The following PTGER3 variants were observed in gnomAD, a reference collection of about 807,000 sequenced individuals.
PTGER3 encodes the protein prostaglandin E receptor 3.
A neutral mutation model predicts 34.7 loss-of-function variants in PTGER3; 22 were observed. The ratio of observed to expected loss-of-function variants is 0.63; its 90% CI spans 0.45 to 0.91. The LOEUF (loss-of-function observed/expected upper bound fraction) is 0.91. Ranked by LOEUF, PTGER3 falls within the 40% of genes least tolerant of loss-of-function variation. PTGER3 has a pLI of 0.00. For missense variants in PTGER3, 468 were observed against 519.4 expected (o/e 0.90, Z 0.96); for synonymous variants, 241 against 230.1 (o/e 1.05, Z -0.43).
In PTGER3 at chr1:70,971,585, A is replaced by C; in HGVS notation, c.*145T>G. 7.5e-7 allele frequency: 1 copy of C among 1,329,388 alleles called. No homozygotes were observed. Among genetic ancestry groups the C allele is most frequent in the Non-Finnish European group, 9.7e-7 (1 of 1,034,040 alleles). 82.3% of individuals were successfully genotyped at this position (1,329,388 alleles called of 1,614,324 possible). On this transcript the variant is annotated 3_prime_UTR_variant, in exon 4 of 4. Coordinates refer to ENST00000306666, the MANE Select transcript of PTGER3 (RefSeq NM_198719.2). ...AATAAAGTTGATCTCCATGGGTATT[A>C]CTGACAAAACAATCATTAAAATAAA...
chr1:70,912,492 T>C (rs1352052475), intron 4 of PTGER3, among the ~76,000 whole-genome samples: 1 of 152,058 alleles, frequency 6.6e-6, no homozygotes, highest in Non-Finnish European at 1.5e-5. Flanking sequence ...TTGCTTTTCT[T>C]TCTTTCCTAC....
chr1:70,855,373 G>T (rs1246774854), intron 4 of PTGER3, among the ~76,000 whole-genome samples: 1 of 152,056 alleles, frequency 6.6e-6, no homozygotes, highest in Admixed American at 6.6e-5. Flanking sequence ...TTTGCAAAAT[G>T]AAAAACTTTT....
intron 2 of PTGER3, among the ~76,000 whole-genome samples, chr1:70,975,642 C>A (rs1328094054): frequency 6.6e-6 from 1 of 152,076 alleles, no homozygotes; most frequent in Admixed American, 6.6e-5. Context: ...TGGATGATTT[C>A]TGTTTTAGGT....
chr1:70,876,200 C>T (rs1049838634), intron 4 of PTGER3, among the ~76,000 whole-genome samples: 14 of 151,426 alleles, frequency 9.2e-5, no homozygotes, highest in African/African-American at 3.4e-4. Flanking sequence ...TGATGTTGAA[C>T]ATTTTATAAT....
At chr1:70,935,666 AATATAAATAT>A (rs1649147246) in intron 4 of PTGER3, among the ~76,000 whole-genome samples, 1 of 41,450 alleles carries the variant, frequency 2.4e-5, no homozygotes, top group African/African-American at 1.9e-4. Flanking sequence ...TAAGGATACA[AATATAAATAT>A]ATATATATAT....
In PTGER3 at chr1:71,047,257, G is replaced by A. The variant is rs150729041; in HGVS notation, c.321C>T (p.Thr107=). 148 of 1,596,606 alleles carry A rather than the reference G, an allele frequency of 9.3e-5. No individual in the cohort carries two copies. In the African/African-American group the frequency reaches 1.9e-3, roughly 20 times the overall value. The change falls in exon 1 of 4, where the codon ACC becomes ACT. Residue 107 remains threonine (T), a synonymous_variant. Transcript: ENST00000306666. ...LTDLVGQLLT[T]PVVIVVYLSK... ...ACAGGTACACGACGATGACGACCGGGGTGGTGAGAAGCTGCCCGACCAGGT... is the reference window on the plus strand; with the variant it reads ...ACAGGTACACGACGATGACGACCGGAGTGGTGAGAAGCTGCCCGACCAGGT...
rs897681533 is a variant in PTGER3, at chr1:71,007,669, G to A, written c.1077+4636C>T. 13 of 985,198 alleles carry A rather than the reference G, an allele frequency of 1.3e-5. No homozygotes were observed. The African/African-American group carries it at 1.6e-4, about 12-fold the overall frequency. 61.0% of individuals were successfully genotyped at this position (985,198 alleles called of 1,614,324 possible). A position where few individuals can be genotyped will look rare whatever the true frequency, so the allele number is the denominator to read the frequency against. ...GTTGAAGTGTATTAGTAAATCACAC[G>A]CATTTCCCTCTGCTTAACATTACAA... On this transcript the variant is annotated intron_variant, in intron 2 of 3. Coordinates refer to ENST00000306666, the MANE Select transcript of PTGER3 (RefSeq NM_198719.2).
chr1:70,926,267 G>C (rs952518869), intron 4 of PTGER3, among the ~76,000 whole-genome samples: 13 of 152,058 alleles, frequency 8.5e-5, no homozygotes, highest in African/African-American at 3.1e-4. Context: ...AAATTACCTT[G>C]GGCAGTATGG....
At chr1:70,950,356 C>G (rs1241248398), downstream of PTGER3, among the ~76,000 whole-genome samples, 1 of 152,104 alleles carries the variant, frequency 6.6e-6, no homozygotes. Context: ...TGAAAGATTC[C>G]TTTAAAATAA....
In PTGER3 at chr1:70,931,150, A is replaced by C. The variant is rs551945499; in HGVS notation, c.*23+22613T>G. On this transcript the variant is annotated intron_variant, in intron 4 of 4. Coordinates refer to the PTGER3 transcript ENST00000370931. The stretch of plus-strand genomic sequence containing the variant: ...CAAGTCTGAAATCAGCAGGGCAGTC[A>C]AATTTTAAAGCTCCAAAATGATCTC... Among the ~76,000 whole-genome samples the C allele has an allele frequency of 7.1e-4, 108 of 152,348 alleles. 2 individuals are homozygous for C. The highest frequency in any genetic ancestry group is 8.2e-4 in the Non-Finnish European group (56 of 68,038).
intron 1 of PTGER3, among the ~76,000 whole-genome samples, chr1:71,019,515 C>T (rs1282805840): frequency 6.6e-6 from 1 of 152,156 alleles, no homozygotes; most frequent in Non-Finnish European, 1.5e-5. Context: ...ACAACTACAT[C>T]AGTGACCTCT....
chr1:71,047,582 G>T lies in PTGER3; in HGVS notation c.-5C>A. On this transcript the variant is annotated 5_prime_UTR_variant, in exon 1 of 4. Coordinates refer to ENST00000306666, the MANE Select transcript of PTGER3 (RefSeq NM_198719.2). ...GTAGCCCCGGGTCTCCTTCATGTTG[G>T]CTTCGAGGTGAGGAGGGGATGGCGT... 1 of 1,526,892 alleles carries T rather than the reference G, an allele frequency of 6.5e-7. No individual in the cohort carries two copies. The allele number at this position is 1,526,892 out of a possible 1,614,324, so 94.6% of individuals were successfully genotyped here.
intron 1 of PTGER3, among the ~76,000 whole-genome samples, chr1:71,017,831 C>A (rs1658047752): frequency 6.6e-6 from 1 of 152,196 alleles, no homozygotes; most frequent in East Asian, 1.9e-4. Context: ...GTGGTGCAAT[C>A]TTGGCTCACT....
intron 2 of PTGER3, among the ~76,000 whole-genome samples, chr1:70,986,729 G>T (rs951722733): frequency 6.6e-6 from 1 of 152,180 alleles, no homozygotes; most frequent in Non-Finnish European, 1.5e-5. Flanking sequence ...TATCACAAGG[G>T]TATGTGAGCT....
chr1:70,860,555 G>T (rs914779140), intron 4 of PTGER3, among the ~76,000 whole-genome samples: 1 of 152,082 alleles, frequency 6.6e-6, no homozygotes, highest in Non-Finnish European at 1.5e-5. Flanking sequence ...GATTAGAAGG[G>T]TTTTGTTTTT....
At chr1:71,041,331 C>A (rs553842668) in intron 1 of PTGER3, among the ~76,000 whole-genome samples, 1 of 152,154 alleles carries the variant, frequency 6.6e-6, no homozygotes, top group Non-Finnish European at 1.5e-5. Context: ...CTTGTGTTTG[C>A]GTGGCTGACT....
At chr1:70,913,696 T>C (rs1003995371) in intron 4 of PTGER3, among the ~76,000 whole-genome samples, 7 of 151,926 alleles carry the variant, frequency 4.6e-5, no homozygotes, top group South Asian at 4.1e-4. Flanking sequence ...GGAATAAATA[T>C]AGATTTTTTT....
chr1:71,031,586 A>T (rs1466724778), intron 1 of PTGER3, among the ~76,000 whole-genome samples: 1 of 152,152 alleles, frequency 6.6e-6, no homozygotes, highest in Non-Finnish European at 1.5e-5. Context: ...CACAAAGAAG[A>T]AGGGGGTTTT....
At chr1:71,045,383 A>C (rs941409346) in intron 1 of PTGER3, among the ~76,000 whole-genome samples, 2 of 152,200 alleles carry the variant, frequency 1.3e-5, no homozygotes, top group Non-Finnish European at 2.9e-5. Context: ...AAAGAAAAAA[A>C]ACTGCGTTCA....
Sources: allele counts gnomAD v4.1 joint callset (sites outside exome capture counted in the v4.1 genomes callset), GRCh38; gene constraint gnomAD v4.1.1; transcripts MANE v1.5; gene names NCBI Gene and HGNC (gene_info 2026-07-23, HGNC 2026-07-21).